ROBO2: variants seen among roughly 807,000 people sequenced by gnomAD.
The protein encoded by ROBO2 is roundabout guidance receptor 2.
ROBO2 carries 53 observed loss-of-function variants against 160.8 expected under a neutral mutation model. The observed-to-expected ratio is 0.33, with a 90% CI of 0.26 to 0.41. The LOEUF (loss-of-function observed/expected upper bound fraction) is 0.41, where lower values mean the gene tolerates loss of function less well. Among genes scored for constraint, ROBO2 ranks in the 10% least tolerant of loss-of-function variants. The pLI is 1.00. For synonymous variants in ROBO2, 664 were observed against 611.7 expected (o/e 1.09, Z -1.26); for missense variants, 1,577 against 1,722.4 (o/e 0.92, Z 1.49).
intron 2 of ROBO2, among the ~76,000 whole-genome samples, chr3:76,458,730 T>C (rs1218088389): frequency 2.0e-5 from 3 of 152,224 alleles, no homozygotes; most frequent in South Asian, 2.1e-4. Context: ...AGAATCATGA[T>C]AGGAGGGAAA....
intron 2 of ROBO2, among the ~76,000 whole-genome samples, chr3:77,139,817 T>TC (rs2150414432): frequency 6.6e-6 from 1 of 152,242 alleles, no homozygotes; most frequent in South Asian, 2.1e-4. Context: ...TCACTTTGCT[T>TC]CCCCTCATTT....
At chr3:76,632,495 C>T (rs542835054) in intron 2 of ROBO2, among the ~76,000 whole-genome samples, 1 of 152,164 alleles carries the variant, frequency 6.6e-6, no homozygotes, top group Non-Finnish European at 1.5e-5. Context: ...TAAGTTAGAG[C>T]ACAATTCTTA....
At chr3:76,084,257 A>G (rs574736707) in intron 2 of ROBO2, among the ~76,000 whole-genome samples, 18 of 152,242 alleles carry the variant, frequency 1.2e-4, no homozygotes, top group African/African-American at 4.1e-4. Flanking sequence ...TGACTCATGT[A>G]GACTCTTTAG....
chr3:76,527,364 G>T (rs2082003340), intron 2 of ROBO2, among the ~76,000 whole-genome samples: 1 of 152,078 alleles, frequency 6.6e-6, no homozygotes, highest in Non-Finnish European at 1.5e-5. Context: ...TTTATCTGAA[G>T]ATGAGGCCAT....
At chr3:76,368,004 C>G (rs955865081) in intron 2 of ROBO2, among the ~76,000 whole-genome samples, 10 of 151,800 alleles carry the variant, frequency 6.6e-5, no homozygotes, top group African/African-American at 2.4e-4. Flanking sequence ...TCTTTGGTGT[C>G]AAACCTAAAT....
intron 2 of ROBO2, among the ~76,000 whole-genome samples, chr3:76,801,696 A>C (rs2064212437): frequency 6.6e-6 from 1 of 152,140 alleles, no homozygotes; most frequent in South Asian, 2.1e-4. Flanking sequence ...TATTCACTGG[A>C]GTAGCACTTT....
chr3:76,214,708 C>T (rs1316536505), intron 2 of ROBO2, among the ~76,000 whole-genome samples: 4 of 152,220 alleles, frequency 2.6e-5, no homozygotes, highest in African/African-American at 9.6e-5. Context: ...AGGAGGCCTG[C>T]CTGCCTCTGT....
chr3:76,296,834 C>T (rs906269973), intron 2 of ROBO2, among the ~76,000 whole-genome samples: 2 of 152,044 alleles, frequency 1.3e-5, no homozygotes, highest in East Asian at 1.9e-4. Context: ...ACTAGGTGAG[C>T]GGGTAGCTTG....
At chr3:77,188,029 G>A (rs1044798650) in intron 2 of ROBO2, among the ~76,000 whole-genome samples, 4 of 147,032 alleles carry the variant, frequency 2.7e-5, no homozygotes, top group South Asian at 2.1e-4. Context: ...TTCAAAGAAG[G>A]TGAATGAGTA....
intron 2 of ROBO2, among the ~76,000 whole-genome samples, chr3:75,955,143 A>G (rs140833429): frequency 6.6e-6 from 1 of 151,956 alleles, no homozygotes; most frequent in East Asian, 1.9e-4. Context: ...GGTTTGTGTC[A>G]CTGGAAATGT....
intron 2 of ROBO2, among the ~76,000 whole-genome samples, chr3:76,782,379 CTT>C (rs1210339885): frequency 2.0e-5 from 3 of 150,658 alleles, no homozygotes; most frequent in Non-Finnish European, 3.0e-5. Context: ...TGATAAAAAA[CTT>C]TTATATATGT....
intron 2 of ROBO2, among the ~76,000 whole-genome samples, chr3:77,287,460 A>G (rs1264669226): frequency 6.6e-6 from 1 of 152,164 alleles, no homozygotes; most frequent in African/African-American, 2.4e-5. Flanking sequence ...AAGTAAAGCT[A>G]CAATTATTTT....
chr3:76,484,800 A>G (rs984770151), intron 2 of ROBO2, among the ~76,000 whole-genome samples: 9 of 152,122 alleles, frequency 5.9e-5, no homozygotes, highest in African/African-American at 2.2e-4. Flanking sequence ...CATTTTATCT[A>G]ATTTAGTGAA....
At position 76,435,223 on chromosome 3, in the gene ROBO2, T is replaced by C. The variant is rs907463420; in HGVS notation, c.109+497621T>C. On this transcript the variant is annotated intron_variant, in intron 2 of 26. Coordinates refer to the ROBO2 transcript ENST00000487694. Reference sequence around the variant, plus strand: ...CAGGTAATGGGTAAAGTGCCAACCATATCCATCAACAAAACAGATGGCTGC... The same window carrying C: ...CAGGTAATGGGTAAAGTGCCAACCACATCCATCAACAAAACAGATGGCTGC... 6 of 1,507,250 alleles carry C rather than the reference T, an allele frequency of 4.0e-6. No homozygotes were observed. In the South Asian group the frequency reaches 6.7e-5, roughly 17 times the overall value. 93.4% of individuals were successfully genotyped at this position (1,507,250 alleles called of 1,614,324 possible).
chr3:75,943,931 C>T (rs78944213), intron 2 of ROBO2, among the ~76,000 whole-genome samples: 4 of 152,048 alleles, frequency 2.6e-5, no homozygotes, highest in African/African-American at 9.7e-5. Context: ...AAACTCCTGA[C>T]TTCAGGTGAT....
At chr3:76,042,963 C>T (rs977495661) in intron 2 of ROBO2, among the ~76,000 whole-genome samples, 6 of 151,974 alleles carry the variant, frequency 3.9e-5, no homozygotes, top group Non-Finnish European at 5.9e-5. Flanking sequence ...GCTGATGCTC[C>T]CCGCTGAATA....
At chr3:76,288,874 AT>A (rs1355695559) in intron 2 of ROBO2, among the ~76,000 whole-genome samples, 1 of 152,054 alleles carries the variant, frequency 6.6e-6, no homozygotes, top group Non-Finnish European at 1.5e-5. Flanking sequence ...ACCATATAAT[AT>A]TTTTTTAATC....
intron 2 of ROBO2, among the ~76,000 whole-genome samples, chr3:76,647,008 C>T (rs895180291): frequency 6.6e-6 from 1 of 152,036 alleles, no homozygotes; most frequent in African/African-American, 2.4e-5. Context: ...GAACTCAGAC[C>T]TCAGAAAAGG....
chr3:76,515,436 A>C (rs1435495489), intron 2 of ROBO2, among the ~76,000 whole-genome samples: 1 of 151,924 alleles, frequency 6.6e-6, no homozygotes, highest in Non-Finnish European at 1.5e-5. Context: ...AATATAGTAC[A>C]TCTCCTTTCA....
Sources: allele counts gnomAD v4.1 joint callset (sites outside exome capture counted in the v4.1 genomes callset), GRCh38; gene constraint gnomAD v4.1.1; transcripts MANE v1.5; gene names NCBI Gene and HGNC (gene_info 2026-07-23, HGNC 2026-07-21).